Variants in DHRSX observed in about 807,000 individuals in gnomAD.
DHRSX encodes the protein dehydrogenase/reductase X-linked, also known as polyprenol dehydrogenase.
A neutral mutation model predicts 34.0 loss-of-function variants in DHRSX; 31 were observed. The ratio of observed to expected loss-of-function variants is 0.91; its 90% CI spans 0.69 to 1.23. DHRSX has a LOEUF of 1.23. Among genes scored for constraint, DHRSX ranks in the 50% most tolerant of loss-of-function variants. DHRSX has a pLI of 0.00. For synonymous variants in DHRSX, 201 were observed against 183.8 expected, an observed-to-expected ratio of 1.09 and a Z score of -0.76; for missense variants, 414 against 428.1, an observed-to-expected ratio of 0.97 and a Z score of 0.29.
intron 3 of DHRSX, among the ~76,000 whole-genome samples, chrX:2,355,634 G>A (rs2042841621): frequency 6.7e-6 from 1 of 149,136 alleles, no homozygotes; most frequent in South Asian, 2.1e-4. Flanking sequence ...TAAATTCAGA[G>A]CACAAAAATA....
intron 3 of DHRSX, among the ~76,000 whole-genome samples, chrX:2,407,820 C>T (rs1395678572): frequency 6.6e-6 from 1 of 152,164 alleles, no homozygotes; most frequent in Non-Finnish European, 1.5e-5. Context: ...AATTACCTCT[C>T]GGGTACAATG....
At chrX:2,223,346 C>G (rs770346943) in intron 6 of DHRSX, among the ~76,000 whole-genome samples, 1 of 152,182 alleles carries the variant, frequency 6.6e-6, no homozygotes, top group Non-Finnish European at 1.5e-5. Context: ...CTTCACCTTC[C>G]GCCATGATTG....
chrX:2,379,169 AC>A (rs201015630), intron 3 of DHRSX, among the ~76,000 whole-genome samples: 9,177 of 152,036 alleles, frequency 0.06, 630 homozygotes, highest in African/African-American at 0.17. Flanking sequence ...CGTGCCCCTA[AC>A]CCTCACGTGG....
intron 6 of DHRSX, among the ~76,000 whole-genome samples, chrX:2,236,413 T>A (rs1389512193): frequency 6.6e-6 from 1 of 152,080 alleles, no homozygotes; most frequent in Admixed American, 6.6e-5. Flanking sequence ...CTGGTGGCTC[T>A]ACCTGGAGCA....
At chrX:2,427,297 A>AAGG (rs1198289820) in intron 1 of DHRSX, among the ~76,000 whole-genome samples, 1 of 152,168 alleles carries the variant, frequency 6.6e-6, no homozygotes. Flanking sequence ...AGGAGGGAAG[A>AAGG]AGGAGTAGGG....
intron 3 of DHRSX, among the ~76,000 whole-genome samples, chrX:2,338,323 ACT>A (rs935109404): frequency 3.3e-5 from 5 of 151,742 alleles, no homozygotes; most frequent in Non-Finnish European, 5.9e-5. Flanking sequence ...ACAGAGCGAG[ACT>A]CTGTTTCAAA....
intron 6 of DHRSX, among the ~76,000 whole-genome samples, chrX:2,222,415 A>G (rs1161773918): frequency 6.6e-6 from 1 of 152,200 alleles, no homozygotes; most frequent in Non-Finnish European, 1.5e-5. Context: ...GAAACAGCAA[A>G]TATCACCTCA....
chrX:2,362,153 G>A (rs916785609), intron 3 of DHRSX, among the ~76,000 whole-genome samples: 5 of 152,104 alleles, frequency 3.3e-5, no homozygotes, highest in African/African-American at 1.2e-4. Context: ...TGGTGTCACT[G>A]TTATTTCATT....
intron 5 of DHRSX, among the ~76,000 whole-genome samples, chrX:2,245,469 C>T (rs1159864303): frequency 2.0e-5 from 3 of 151,444 alleles, no homozygotes; most frequent in East Asian, 2.0e-4. Flanking sequence ...CCACCACGCC[C>T]GGCTAATTTT....
At chrX:2,230,060 CA>C (rs1232021418) in intron 6 of DHRSX, among the ~76,000 whole-genome samples, 1 of 152,132 alleles carries the variant, frequency 6.6e-6, no homozygotes, top group Non-Finnish European at 1.5e-5. Context: ...TGTCTGTGTG[CA>C]TGGGTTTGCA....
At chrX:2,253,423 C>T (rs865789289) in intron 5 of DHRSX, among the ~76,000 whole-genome samples, 6,284 of 136,060 alleles carry the variant, frequency 0.046, 29 homozygotes, top group African/African-American at 0.16. Context: ...CGGACATGGC[C>T]GTGAGCCAAG....
At chrX:2,467,686 A>AAAGTGCAGCCGAATAAG in intron 1 of DHRSX, among the ~76,000 whole-genome samples, 1 of 152,164 alleles carries the variant, frequency 6.6e-6, no homozygotes, top group African/African-American at 2.4e-5. Context: ...TCAAGAATAA[A>AAAGTGCAGCCGAATAAG]AAGTGCAGCC....
intron 1 of DHRSX, among the ~76,000 whole-genome samples, chrX:2,458,731 C>CTCA (rs1215775320): frequency 3.3e-5 from 5 of 151,926 alleles, no homozygotes; most frequent in African/African-American, 1.2e-4. Flanking sequence ...GGAGCGGTGG[C>CTCA]TCATGTCTGG....
intron 4 of DHRSX, among the ~76,000 whole-genome samples, chrX:2,268,501 C>T (rs1430120426): frequency 6.6e-6 from 1 of 152,138 alleles, no homozygotes; most frequent in Non-Finnish European, 1.5e-5. Flanking sequence ...TATATAACTG[C>T]ATGTATGCAT....
At chrX:2,360,047 C>T (rs922497552) in intron 3 of DHRSX, among the ~76,000 whole-genome samples, 6 of 152,032 alleles carry the variant, frequency 3.9e-5, no homozygotes, top group Non-Finnish European at 7.4e-5. Context: ...CAAACCTGCA[C>T]CTGTATCCCT....
At chrX:2,325,812 G>T (rs185267562) in intron 3 of DHRSX, among the ~76,000 whole-genome samples, 3 of 151,648 alleles carry the variant, frequency 2.0e-5, no homozygotes, top group Non-Finnish European at 2.9e-5. Flanking sequence ...GGTCCTTTCC[G>T]CTCGGAGACC....
chrX:2,254,204 ATTAT>A (rs1196268969), intron 5 of DHRSX, among the ~76,000 whole-genome samples: 3 of 152,178 alleles, frequency 2.0e-5, no homozygotes, highest in Non-Finnish European at 2.9e-5. Flanking sequence ...TTTTGCATTG[ATTAT>A]TTATCCACTT....
At chrX:2,411,752 CA>C (rs112913508) in intron 2 of DHRSX, among the ~76,000 whole-genome samples, 1 of 149,782 alleles carries the variant, frequency 6.7e-6, no homozygotes, top group African/African-American at 2.5e-5. Context: ...CAAAACAAAA[CA>C]AAAAAAAACA....
intron 1 of DHRSX, among the ~76,000 whole-genome samples, chrX:2,479,433 TAAG>T (rs2044735326): frequency 6.8e-6 from 1 of 146,158 alleles, no homozygotes; most frequent in Non-Finnish European, 1.5e-5. Flanking sequence ...CGACATTCCG[TAAG>T]AATATGGCCC....
Sources: allele counts gnomAD v4.1 joint callset (sites outside exome capture counted in the v4.1 genomes callset), GRCh38; gene constraint gnomAD v4.1.1; transcripts MANE v1.5; gene names NCBI Gene and HGNC (gene_info 2026-07-23, HGNC 2026-07-21).